The following VAMP8 variants were observed in gnomAD, a reference collection of about 807,000 sequenced individuals.
The protein encoded by VAMP8 is vesicle-associated membrane protein 8.
In VAMP8, 9 loss-of-function variants were observed where a neutral mutation model predicts 11.4. That is an observed-to-expected ratio of 0.79 (90% CI 0.48 to 1.38). The LOEUF is 1.38. Among genes scored for constraint, VAMP8 ranks in the 40% most tolerant of loss-of-function variants. The pLI, the probability that VAMP8 is intolerant of heterozygous loss-of-function variation, is 0.00. For synonymous variants in VAMP8, 42 were observed against 44.7 expected (o/e 0.94, Z 0.24); for missense variants, 108 against 127.8 (o/e 0.85, Z 0.75).
chr2:85,581,757 C>T lies in VAMP8; in HGVS notation c.*41C>T, dbSNP rs771746704. ...TCCCACCTGCCCTTCTCTTCAGGGA[C>T]AACCCTCCATAAATGTGTGCCAAGA... On this transcript the variant is annotated 3_prime_UTR_variant, in exon 3 of 3. Coordinates refer to ENST00000263864, the MANE Select transcript of VAMP8 (RefSeq NM_003761.5). 6.2e-7 allele frequency: 1 copy of T among 1,611,840 alleles called. No individual in the cohort carries two copies. Among genetic ancestry groups the T allele is most frequent in the South Asian group, 1.1e-5 (1 of 90,836 alleles).
chr2:85,577,738 A>G, intron 1 of VAMP8, 89 bp downstream of exon 1: 1 of 1,539,082 alleles, frequency 6.5e-7, no homozygotes, highest in Admixed American at 2.0e-5. Flanking sequence ...GGGGGAGGAG[A>G]GTTGGTGGCA....
chr2:85,581,577 C>A lies in VAMP8; in HGVS notation c.164C>A (p.Ser55Tyr). The A allele has an allele frequency of 6.2e-7, 1 of 1,614,082 alleles. No individual in the cohort carries two copies. The highest frequency in any genetic ancestry group is 8.5e-7 in the Non-Finnish European group (1 of 1,180,014). ...CTCACTCTGCCTTTTCCCCAACAGT[C>A]TGAGCACTTCAAGACGACATCGCAG... ...RNKTEDLEAT[S>Y]EHFKTTSQKV... The change falls in exon 3 of 3, where the codon TCT becomes TAT. Residue 55 changes from serine (S) to tyrosine (Y), a missense_variant and splice_region_variant. Coordinates refer to ENST00000263864, the MANE Select transcript of VAMP8 (RefSeq NM_003761.5).
intron 1 of VAMP8, 89 bp from the exon 2 acceptor site, chr2:85,578,920 T>G (rs1007921329): frequency 3.6e-6 from 5 of 1,390,304 alleles, no homozygotes; most frequent in African/African-American, 2.9e-5. Context: ...AGCTTAAGTC[T>G]GCCTGAGGCC....
chr2:85,579,147 A>T lies in VAMP8; in HGVS notation c.142A>T (p.Thr48Ser). 6.2e-7 allele frequency: 1 copy of T among 1,601,360 alleles called. No homozygotes were observed. The highest frequency in any genetic ancestry group is 8.5e-7 in the Non-Finnish European group (1 of 1,171,552). Reference protein sequence around the residue: ...GENLEHLRNKTEDLEATSEHF... With the variant: ...GENLEHLRNKSEDLEATSEHF... ...AAACTTGGAACATCTCCGCAACAAG[A>T]CAGAGGATCTGGAAGCCACAGTGAG... The change falls in exon 2 of 3, where the codon ACA (threonine) becomes TCA (serine). Residue 48 changes from threonine to serine, a missense_variant. Physicochemically the swap from Thr to Ser is moderately conservative, Grantham distance 58. Coordinates refer to ENST00000263864, the MANE Select transcript of VAMP8 (RefSeq NM_003761.5).
At position 85,577,660 on chromosome 2, in the gene VAMP8, T is replaced by A. The variant is rs1196673215; in HGVS notation, c.3+11T>A. 6.5e-7 allele frequency: 1 copy of A among 1,547,434 alleles called. No homozygotes were observed. Among genetic ancestry groups the A allele is most frequent in the Non-Finnish European group, 8.7e-7 (1 of 1,146,094 alleles). On this transcript the variant is annotated intron_variant, in intron 1 of 2. Coordinates refer to ENST00000263864, the MANE Select transcript of VAMP8 (RefSeq NM_003761.5). Reference sequence around the variant, plus strand: ...CTGCTCTGAGACATGGTGAGCCAACTGGGAACTAGGAAAGGGCTGGTTTAA... The same window carrying A: ...CTGCTCTGAGACATGGTGAGCCAACAGGGAACTAGGAAAGGGCTGGTTTAA...
intron 2 of VAMP8, among the ~76,000 whole-genome samples, chr2:85,581,304 A>C (rs887752565): frequency 3.3e-5 from 5 of 151,972 alleles, no homozygotes; most frequent in African/African-American, 1.2e-4. Flanking sequence ...ACATGGTGAA[A>C]CCTCCTCTCT....
chr2:85,580,290 G>C (rs1167584362), intron 2 of VAMP8, among the ~76,000 whole-genome samples: 1 of 152,084 alleles, frequency 6.6e-6, no homozygotes, highest in African/African-American at 2.4e-5. Context: ...TTGAATTGCT[G>C]GGCATGGGGA....
At position 85,579,165 on chromosome 2, in the gene VAMP8, A is replaced by G; in HGVS notation, c.160A>G (p.Thr54Ala). 6.3e-7 allele frequency: 1 copy of G among 1,589,466 alleles called. No homozygotes were observed. The highest frequency in any genetic ancestry group is 8.6e-7 in the Non-Finnish European group (1 of 1,163,888). ...CAACAAGACAGAGGATCTGGAAGCC[A>G]CAGTGAGACAGGGAGCCCACTGGGG... is the stretch of plus-strand genomic sequence containing the variant. ...LRNKTEDLEA[T>A]SEHFKTTSQK... is the part of the protein sequence containing the mutation. Residue 54 changes from threonine (T) to alanine (A), a missense_variant and splice_region_variant, in exon 2 of 3, where the codon ACA becomes GCA. Thr to Ala is a moderately conservative substitution (Grantham distance 58, BLOSUM62 0). Transcript: ENST00000263864.
intron 2 of VAMP8, among the ~76,000 whole-genome samples, chr2:85,580,062 G>A (rs904665339): frequency 2.5e-4 from 38 of 151,648 alleles, no homozygotes; most frequent in African/African-American, 8.0e-4. Flanking sequence ...AACGATTCTC[G>A]TGCCTCAGCC....
chr2:85,578,687 C>T (rs1230137860), intron 1 of VAMP8, among the ~76,000 whole-genome samples: 1 of 152,084 alleles, frequency 6.6e-6, no homozygotes, highest in African/African-American at 2.4e-5. Context: ...GCTGGCCCTG[C>T]TGTATTCTAC....
intron 1 of VAMP8, 147 bp downstream of exon 1, chr2:85,577,796 A>G: frequency 8.5e-7 from 1 of 1,172,756 alleles, no homozygotes. Context: ...TTCTTTGACA[A>G]CTTGGCTGCA....
chr2:85,580,888 C>T (rs1029463291), intron 2 of VAMP8, among the ~76,000 whole-genome samples: 8 of 151,372 alleles, frequency 5.3e-5, no homozygotes, highest in Admixed American at 1.3e-4. Context: ...AGGCTGGTCG[C>T]GAACTACTGA....
intron 2 of VAMP8, chr2:85,579,799 T>C: frequency 6.4e-7 from 1 of 1,550,728 alleles, no homozygotes; most frequent in African/African-American, 1.4e-5. Context: ...GAGCAAAGTC[T>C]GGAGCCTCAA....
In VAMP8 at chr2:85,581,791, T is replaced by A. The variant is rs372287198; in HGVS notation, c.*75T>A. On this transcript the variant is annotated 3_prime_UTR_variant, in exon 3 of 3. Transcript: ENST00000263864. ...ATAAATGTGTGCCAAGAGGGTCTCCTTTCCTGTCTTCCTCTACAGAGAATG... is the reference window on the plus strand; with the variant it reads ...ATAAATGTGTGCCAAGAGGGTCTCCATTCCTGTCTTCCTCTACAGAGAATG... 4.1e-5 allele frequency: 65 copies of A among 1,579,438 alleles called. No homozygotes were observed. The South Asian group carries it at 6.9e-4, about 17-fold the overall frequency.
At chr2:85,580,331 C>T (rs1672349555) in intron 2 of VAMP8, among the ~76,000 whole-genome samples, 1 of 152,094 alleles carries the variant, frequency 6.6e-6, no homozygotes, top group African/African-American at 2.4e-5. Context: ...AGTTCCCTTA[C>T]TTCCAACCCT....
intron 1 of VAMP8, among the ~76,000 whole-genome samples, chr2:85,578,326 C>T (rs1022093251): frequency 1.3e-5 from 2 of 152,106 alleles, no homozygotes; most frequent in African/African-American, 4.8e-5. Flanking sequence ...TCCTCCATTT[C>T]CCCCAACACC....
chr2:85,581,440 A>T, intron 2 of VAMP8, 136 bp from the exon 3 acceptor site: 1 of 1,117,970 alleles, frequency 8.9e-7, no homozygotes, highest in Non-Finnish European at 1.3e-6. Context: ...AGATCGAGCC[A>T]CTGCCTGAGT....
intron 1 of VAMP8, among the ~76,000 whole-genome samples, chr2:85,578,638 T>C (rs1461758590): frequency 6.6e-6 from 1 of 152,070 alleles, no homozygotes; most frequent in Admixed American, 6.6e-5. Flanking sequence ...GAATTGTAAA[T>C]AGTGGCGGGC....
rs1385155485 is a variant in VAMP8, at chr2:85,581,976, T to C, written c.*260T>C. 3 of 457,914 alleles carry C rather than the reference T, an allele frequency of 6.6e-6. No individual in the cohort carries two copies. The highest frequency in any genetic ancestry group is 1.2e-5 in the Non-Finnish European group (3 of 257,704). 28.4% of individuals were successfully genotyped at this position (457,914 alleles called of 1,614,324 possible). A position where few individuals can be genotyped will look rare whatever the true frequency, so the allele number is the denominator to read the frequency against. On this transcript the variant is annotated 3_prime_UTR_variant, in exon 3 of 3. Coordinates refer to ENST00000263864, the MANE Select transcript of VAMP8 (RefSeq NM_003761.5). ...CTGGAGAGACCTAGAGGGCCCAGCA[T>C]GTGGCTGGGAAACTGTTGGTGGCCA...
Sources: gnomAD v4.1 joint callset for allele counts (sites outside exome capture counted in the v4.1 genomes callset) on GRCh38, gnomAD v4.1.1 for gene constraint, MANE v1.5 for transcripts, NCBI Gene and HGNC (gene_info 2026-07-23, HGNC 2026-07-21) for gene names.